LRP1B: variants seen among roughly 807,000 people sequenced by gnomAD.
LRP1B encodes the protein low-density lipoprotein receptor-related protein 1B.
A neutral mutation model predicts 556.6 loss-of-function variants in LRP1B; 217 were observed. The ratio of observed to expected loss-of-function variants is 0.39; its 90% CI spans 0.35 to 0.44. The LOEUF is 0.44. Ranked by LOEUF, LRP1B falls within the 20% of genes least tolerant of loss-of-function variation. LRP1B has a pLI of 1.00. For synonymous variants in LRP1B, 2,047 were observed against 1,865.8 expected, an observed-to-expected ratio of 1.10 and a Z score of -2.50; for missense variants, 5,053 against 5,620.8, an observed-to-expected ratio of 0.90 and a Z score of 3.23.
chr2:141,605,950 AG>A (rs1484387278), intron 2 of LRP1B, among the ~76,000 whole-genome samples: 2 of 134,268 alleles, frequency 1.5e-5, no homozygotes, highest in African/African-American at 5.0e-5. Flanking sequence ...AAAATGCAAA[AG>A]AAAAAAAAAA....
At chr2:141,636,762 A>G (rs1478738121) in intron 2 of LRP1B, among the ~76,000 whole-genome samples, 2 of 152,112 alleles carry the variant, frequency 1.3e-5, no homozygotes, top group Non-Finnish European at 2.9e-5. Flanking sequence ...AAGGAAAAAA[A>G]AAACATAAGG....
intron 1 of LRP1B, among the ~76,000 whole-genome samples, chr2:141,859,110 CT>C (rs965625903): frequency 6.6e-6 from 1 of 152,138 alleles, no homozygotes; most frequent in African/African-American, 2.4e-5. Context: ...TAACCTTGAG[CT>C]TACTAAAAAC....
chr2:142,116,114 G>A (rs575445213), intron 1 of LRP1B, among the ~76,000 whole-genome samples: 1 of 141,694 alleles, frequency 7.1e-6, no homozygotes, highest in Admixed American at 7.5e-5. Flanking sequence ...CTACTCAAGA[G>A]CCTGGGAGGA....
At chr2:141,554,356 CATAGATATAGATTATATATCTATAGGA>C (rs1685884068) in intron 2 of LRP1B, among the ~76,000 whole-genome samples, 1 of 148,052 alleles carries the variant, frequency 6.8e-6, no homozygotes, top group African/African-American at 2.5e-5. Flanking sequence ...TAGGAATAGA[CATAGATATAGATTATATATCTATAGGA>C]ATAGATATAC....
chr2:141,875,525 G>T (rs1178020491), intron 1 of LRP1B, among the ~76,000 whole-genome samples: 1 of 151,936 alleles, frequency 6.6e-6, no homozygotes, highest in Admixed American at 6.6e-5. Context: ...ATTTCTGAAA[G>T]TCAGAGACAA....
intron 32 of LRP1B, among the ~76,000 whole-genome samples, chr2:140,810,626 G>A (rs955118671): frequency 7.2e-5 from 11 of 152,104 alleles, no homozygotes; most frequent in Middle Eastern, 3.2e-3. Context: ...ATGTTATAGA[G>A]ACTCTTCCCC....
At chr2:141,673,246 T>C (rs1424942111) in intron 2 of LRP1B, among the ~76,000 whole-genome samples, 1 of 152,214 alleles carries the variant, frequency 6.6e-6, no homozygotes, top group Non-Finnish European at 1.5e-5. Flanking sequence ...TACTTCTAGC[T>C]ATGAGGATTT....
intron 1 of LRP1B, among the ~76,000 whole-genome samples, chr2:141,905,031 T>C (rs1472781004): frequency 6.6e-6 from 1 of 151,824 alleles, no homozygotes; most frequent in Admixed American, 6.6e-5. Context: ...GTATAGACAA[T>C]ATTTTTAAAA....
intron 10 of LRP1B, among the ~76,000 whole-genome samples, chr2:141,052,002 T>C (rs968552276): frequency 2.0e-5 from 3 of 152,002 alleles, no homozygotes; most frequent in African/African-American, 7.2e-5. Flanking sequence ...ATTGTCTATG[T>C]TGAACCATTA....
At chr2:141,265,146 A>G (rs1228608964) in intron 3 of LRP1B, among the ~76,000 whole-genome samples, 1 of 152,230 alleles carries the variant, frequency 6.6e-6, no homozygotes, top group East Asian at 1.9e-4. Context: ...GGCTCCAGTC[A>G]CCTCAAGAAG....
intron 84 of LRP1B, among the ~76,000 whole-genome samples, chr2:140,294,737 A>G (rs538403318): frequency 7.9e-5 from 12 of 152,274 alleles, no homozygotes; most frequent in African/African-American, 2.6e-4. Flanking sequence ...ATTTGGGGTC[A>G]TGACAATGGT....
chr2:142,101,127 T>C (rs1706553947), intron 1 of LRP1B, among the ~76,000 whole-genome samples: 1 of 152,024 alleles, frequency 6.6e-6, no homozygotes, highest in African/African-American at 2.4e-5. Flanking sequence ...GCAGAGTTTG[T>C]ACATAAAGGA....
chr2:140,627,063 C>T (rs555786280), intron 41 of LRP1B, among the ~76,000 whole-genome samples: 2 of 152,178 alleles, frequency 1.3e-5, no homozygotes, highest in African/African-American at 4.8e-5. Flanking sequence ...AAACTGAAGT[C>T]CTAGCTGCCT....
At chr2:140,887,510 C>T (rs1158039260) in intron 23 of LRP1B, among the ~76,000 whole-genome samples, 1 of 152,104 alleles carries the variant, frequency 6.6e-6, no homozygotes, top group Non-Finnish European at 1.5e-5. Flanking sequence ...CAAAAACTAA[C>T]TCAAACTGTA....
At chr2:141,928,963 T>C (rs939250982) in intron 1 of LRP1B, among the ~76,000 whole-genome samples, 21 of 152,176 alleles carry the variant, frequency 1.4e-4, no homozygotes, top group Middle Eastern at 6.8e-3. Flanking sequence ...CTGATAAAAG[T>C]ATCTTTGTAG....
chr2:141,822,094 C>T (rs1445971851), intron 1 of LRP1B, among the ~76,000 whole-genome samples: 2 of 51,318 alleles, frequency 3.9e-5, no homozygotes, highest in African/African-American at 1.3e-4. Context: ...AAAATACATA[C>T]ACACACACAC....
At chr2:141,797,099 T>C (rs12373850) in intron 2 of LRP1B, among the ~76,000 whole-genome samples, 10,447 of 142,588 alleles carry the variant, frequency 0.073, 471 homozygotes, top group Non-Finnish European at 0.1. Flanking sequence ...ATAAAGAAGG[T>C]ACCTAGTCAA....
At chr2:140,828,132 A>C (rs1691573601) in intron 31 of LRP1B, among the ~76,000 whole-genome samples, 1 of 152,182 alleles carries the variant, frequency 6.6e-6, no homozygotes, top group African/African-American at 2.4e-5. Context: ...GGAATTCTTC[A>C]ATATGCAAAA....
chr2:141,233,343 C>T (rs1470220039), intron 5 of LRP1B, among the ~76,000 whole-genome samples: 2 of 152,184 alleles, frequency 1.3e-5, no homozygotes, highest in Non-Finnish European at 2.9e-5. Flanking sequence ...AAATTGTCCT[C>T]ATACTCCTCA....
Sources: allele counts gnomAD v4.1 joint callset (sites outside exome capture counted in the v4.1 genomes callset), GRCh38; gene constraint gnomAD v4.1.1; transcripts MANE v1.5; gene names NCBI Gene and HGNC (gene_info 2026-07-23, HGNC 2026-07-21).